The following TBC1D17 variants were observed in gnomAD, a reference collection of about 807,000 sequenced individuals.
TBC1D17 encodes the protein TBC1 domain family, member 17.
Under a neutral mutation model 78.8 loss-of-function variants are expected in TBC1D17, and 69 were observed. The observed-to-expected ratio is 0.88, with a 90% CI of 0.72 to 1.07. TBC1D17 has a LOEUF of 1.07. TBC1D17 is among the 50% of genes least tolerant of loss of function. The pLI, the probability that TBC1D17 is intolerant of heterozygous loss-of-function variation, is 0.00. For synonymous variants in TBC1D17, 456 were observed against 358.3 expected, an observed-to-expected ratio of 1.27 and a Z score of -3.08; for missense variants, 957 against 861.0, an observed-to-expected ratio of 1.11 and a Z score of -1.39.
In TBC1D17 at chr19:49,888,526, G is replaced by GCCCCCCCCCC; in HGVS notation, c.1853_1854insCCCCCCCCCC (p.Thr620ProfsTer63). ...CCCGCTGCCTCTGTCGCCCACCCGGGCCCCGCCCACCCCGCCGCCCTCCAC... is the reference window on the plus strand; with the variant it reads ...CCCGCTGCCTCTGTCGCCCACCCGGGCCCCCCCCCCCCCCGCCCACCCCGCCGCCCTCCAC... On this transcript the variant is annotated frameshift_variant, in exon 17 of 17. Coordinates refer to ENST00000221543, the MANE Select transcript of TBC1D17 (RefSeq NM_024682.3). LOFTEE classifies it low-confidence loss of function (END_TRUNC). 1.3e-6 allele frequency: 2 copies of GCCCCCCCCCC among 1,533,196 alleles called. No individual in the cohort carries two copies. The highest frequency in any genetic ancestry group is 1.8e-6 in the Non-Finnish European group (2 of 1,141,138). 95.0% of individuals were successfully genotyped at this position (1,533,196 alleles called of 1,614,324 possible).
chr19:49,886,495 T>G (rs2075059372), intron 13 of TBC1D17: 1 of 152,196 alleles, frequency 6.6e-6, no homozygotes, highest in Non-Finnish European at 1.5e-5. Context: ...CAAAGTCTTC[T>G]GAAACATCAC....
chr19:49,882,007 G>A (rs888392969), intron 5 of TBC1D17, 34 bp from the exon 6 acceptor site: 1 of 1,570,474 alleles, frequency 6.4e-7, no homozygotes, highest in African/African-American at 1.4e-5. Context: ...GCCCCTACCT[G>A]TGCATCACCT....
intron 13 of TBC1D17, among the ~76,000 whole-genome samples, 154 bp downstream of exon 13, chr19:49,884,912 T>C (rs2075046726): frequency 6.6e-6 from 1 of 152,210 alleles, no homozygotes; most frequent in Non-Finnish European, 1.5e-5. Context: ...AGAATTGCTG[T>C]TTGAAGCAAA....
rs753476746 is a variant in TBC1D17, at chr19:49,882,021, C to CGTG, written c.528-18_528-17insGGT. Reference sequence around the variant, plus strand: ...GGCCCCTACCTGTGCATCACCTGTGCGTCACCTCCCGCCTCCCAGCTCCCC... The same window carrying CGTG: ...GGCCCCTACCTGTGCATCACCTGTGCGTGGTCACCTCCCGCCTCCCAGCTCCCC... On this transcript the variant is annotated intron_variant, in intron 5 of 16. Coordinates refer to ENST00000221543, the MANE Select transcript of TBC1D17 (RefSeq NM_024682.3). The CGTG allele has an allele frequency of 2.8e-5, 45 of 1,598,054 alleles. 2 individuals are homozygous for CGTG. In the Middle Eastern group the frequency reaches 5.3e-3, roughly 187 times the overall value.
chr19:49,881,755 T>A (rs934934192), intron 5 of TBC1D17, among the ~76,000 whole-genome samples: 1 of 152,198 alleles, frequency 6.6e-6, no homozygotes, highest in Non-Finnish European at 1.5e-5. Context: ...AGAAGGCACC[T>A]CTTTCCCCAC....
chr19:49,882,233 C>T lies in TBC1D17; in HGVS notation c.640-9C>T, dbSNP rs187967493. Reference sequence around the variant, plus strand: ...GCGGGCCGTGACCTCCCTTTGGCCTCGTCCCCAGCGCTTCCTCCAGGATCC... The same window carrying T: ...GCGGGCCGTGACCTCCCTTTGGCCTTGTCCCCAGCGCTTCCTCCAGGATCC... On this transcript the variant is annotated splice_polypyrimidine_tract_variant and intron_variant, in intron 6 of 16. Coordinates refer to ENST00000221543, the MANE Select transcript of TBC1D17 (RefSeq NM_024682.3). 17 of 1,612,260 alleles carry T rather than the reference C, an allele frequency of 1.1e-5. No homozygotes were observed. Among genetic ancestry groups the T allele is most frequent in the African/African-American group, 4.0e-5 (3 of 75,006 alleles).
rs1394738750 is a variant in TBC1D17, at chr19:49,881,298, G to A, written c.350G>A (p.Trp117Ter). The A allele has an allele frequency of 1.2e-6, 2 of 1,613,166 alleles. No homozygotes were observed. The highest frequency in any genetic ancestry group is 1.7e-5 in the Admixed American group (1 of 60,012). ...GAGCCCAGCTGCCCCCAGGGCTCCT[G>A]GGCCTTCTCAGTGAGTCTGGGGGAG... Reference protein sequence around the residue: ...GAEPSCPQGSWAFSVSLGELK... With the variant: ...GAEPSCPQGS Residue 117 changes from tryptophan (W) to a stop codon, truncating the protein, a stop_gained, in exon 5 of 17, where the codon TGG (tryptophan) becomes TAG (stop). Transcript: ENST00000221543. LOFTEE classifies it high-confidence loss of function.
At position 49,884,031 on chromosome 19, in the gene TBC1D17, C is replaced by T. The variant is rs1302433990; in HGVS notation, c.1127-222C>T. ...TTTTGCCTCCCTGGGCCTCAGTTTC[C>T]CCTACTGTGGGAGGATATAGCCAGC... On this transcript the variant is annotated intron_variant, in intron 10 of 16. Coordinates refer to ENST00000221543, the MANE Select transcript of TBC1D17 (RefSeq NM_024682.3). Among the ~76,000 whole-genome samples, 5 of 152,326 alleles carry T rather than the reference C, an allele frequency of 3.3e-5. No homozygotes were observed. The East Asian group carries it at 5.8e-4, about 18-fold the overall frequency.
chr19:49,885,518 TGAA>T (rs1395755195), intron 13 of TBC1D17: 1 of 150,664 alleles, frequency 6.6e-6, no homozygotes, highest in African/African-American at 2.4e-5. Flanking sequence ...GAAATTAAGA[TGAA>T]GAAGAAAAAG....
Position 49,882,355 on chromosome 19 carries a change from G to A in TBC1D17, c.753G>A (p.Pro251=), listed in dbSNP as rs369616958. 50 of 1,609,466 alleles carry A rather than the reference G, an allele frequency of 3.1e-5. No homozygotes were observed. The highest frequency in any genetic ancestry group is 1.6e-4 in the Middle Eastern group (1 of 6,078). The change falls in exon 7 of 17, where the codon CCG becomes CCA. Residue 251 remains proline (P), a synonymous_variant. Coordinates refer to ENST00000221543, the MANE Select transcript of TBC1D17 (RefSeq NM_024682.3). ...AGGGAGCCGCCTCCGACCTTCCCCC[G>A]CCACCCGACGATGAGCCCGAGCCTG... ...QPEGAASDLP[P]PPDDEPEPGF...
At position 49,882,380 on chromosome 19, in the gene TBC1D17, G is replaced by A; in HGVS notation, c.778G>A (p.Gly260Arg). ...PPPPDDEPEP[G>R]FEVISCVELG... The stretch of plus-strand genomic sequence containing the variant: ...GCCACCCGACGATGAGCCCGAGCCT[G>A]GATTCGAGGTCATTTCCTGTGTGAG... The change falls in exon 7 of 17, where the codon GGA becomes AGA. Residue 260 changes from glycine (G) to arginine (R), a missense_variant. Physicochemically the swap from Gly to Arg is moderately radical, Grantham distance 125. Transcript: ENST00000221543. 6.2e-7 allele frequency: 1 copy of A among 1,607,198 alleles called. No homozygotes were observed. Among genetic ancestry groups the A allele is most frequent in the Non-Finnish European group, 8.5e-7 (1 of 1,179,674 alleles).
At chr19:49,882,740 G>T (rs919021017) in intron 7 of TBC1D17, 24 bp from the exon 8 acceptor site, 2 of 1,527,216 alleles carry the variant, frequency 1.3e-6, no homozygotes, top group African/African-American at 2.8e-5. Context: ...CCGAGCCCCA[G>T]GCTCATTTGC....
chr19:49,888,503 C>T lies in TBC1D17; in HGVS notation c.1826C>T (p.Pro609Leu), dbSNP rs1197179638. ...EPHSPSPTAS[P>L]LPLSPTRAPP... is the part of the protein sequence containing the mutation. ...CACAGCCCCTCGCCCACCGCCTCCCCGCTGCCTCTGTCGCCCACCCGGGCC... is the reference window on the plus strand; with the variant it reads ...CACAGCCCCTCGCCCACCGCCTCCCTGCTGCCTCTGTCGCCCACCCGGGCC... Residue 609 changes from proline (P) to leucine (L), a missense_variant, in exon 17 of 17, where the codon CCG becomes CTG. Coordinates refer to ENST00000221543, the MANE Select transcript of TBC1D17 (RefSeq NM_024682.3). 2 of 1,569,214 alleles carry T rather than the reference C, an allele frequency of 1.3e-6. No homozygotes were observed. The highest frequency in any genetic ancestry group is 1.3e-5 in the African/African-American group (1 of 74,342).
intron 15 of TBC1D17, 164 bp downstream of exon 15, chr19:49,887,998 C>A: frequency 1.1e-6 from 1 of 903,812 alleles, no homozygotes; most frequent in Non-Finnish European, 1.7e-6. Context: ...TGCCCCATGC[C>A]ATGCCTGCTC....
intron 7 of TBC1D17, 49 bp from the exon 8 acceptor site, chr19:49,882,715 C>T (rs771055551): frequency 2.0e-6 from 3 of 1,473,440 alleles, no homozygotes; most frequent in East Asian, 2.4e-5. Flanking sequence ...TGGGTTGGGT[C>T]CCCCCACCAC....
Position 49,882,276 on chromosome 19 carries a change from G to T in TBC1D17, c.674G>T (p.Ser225Ile). 6.2e-7 allele frequency: 1 copy of T among 1,612,322 alleles called. No individual in the cohort carries two copies. Among genetic ancestry groups the T allele is most frequent in the Non-Finnish European group, 8.5e-7 (1 of 1,179,992 alleles). ...FLQDPYSTTF[S>I]SFSRVTNFFR... Reference sequence around the variant, plus strand: ...CAGGATCCCTACTCCACCACCTTCAGCAGCTTCTCCCGAGTGACCAACTTC... The same window carrying T: ...CAGGATCCCTACTCCACCACCTTCATCAGCTTCTCCCGAGTGACCAACTTC... The change falls in exon 7 of 17, where the codon AGC becomes ATC. Residue 225 changes from serine to isoleucine, a missense_variant. Ser to Ile is a moderately radical substitution (Grantham distance 142, BLOSUM62 -2). Coordinates refer to ENST00000221543, the MANE Select transcript of TBC1D17 (RefSeq NM_024682.3).
chr19:49,884,716 C>A lies in TBC1D17; in HGVS notation c.1402C>A (p.Leu468Met), dbSNP rs1305273618. The A allele has an allele frequency of 6.2e-7, 1 of 1,614,126 alleles. No individual in the cohort carries two copies. The change falls in exon 13 of 17, where the codon CTG (leucine) becomes ATG (methionine). Residue 468 changes from leucine (L) to methionine (M), a missense_variant. By Grantham distance (15) the Leu-to-Met change is conservative. Coordinates refer to ENST00000221543, the MANE Select transcript of TBC1D17 (RefSeq NM_024682.3). ...TMKRQLGRLL[L>M]LLRVLDPLLC... ...GAAGCGGCAACTCGGGCGACTGCTG[C>A]TGCTCCTGAGGGTGCTGGACCCCCT...
Position 49,878,495 on chromosome 19 carries a change from T to G in TBC1D17, c.121-3T>G. 6.2e-7 allele frequency: 1 copy of G among 1,613,732 alleles called. No homozygotes were observed. The highest frequency in any genetic ancestry group is 2.2e-5 in the East Asian group (1 of 44,880). Reference sequence around the variant, plus strand: ...TCTAACCCCGCCTCCCTCCTTACCCTAGGACAATGACGTCCTCCTGCACTG... The same window carrying G: ...TCTAACCCCGCCTCCCTCCTTACCCGAGGACAATGACGTCCTCCTGCACTG... On this transcript the variant is annotated splice_region_variant and splice_polypyrimidine_tract_variant and intron_variant, in intron 2 of 16. Coordinates refer to ENST00000221543, the MANE Select transcript of TBC1D17 (RefSeq NM_024682.3).
chr19:49,882,166 G>C lies in TBC1D17; in HGVS notation c.639+14G>C. ...AATGTGGTGTCAGTGAGTGTCCCCA[G>C]CAGGAGGCCTGGCGGGTGTGGGCAG... On this transcript the variant is annotated intron_variant, in intron 6 of 16. Transcript: ENST00000221543. The C allele has an allele frequency of 6.2e-7, 1 of 1,613,956 alleles. No individual in the cohort carries two copies. Among genetic ancestry groups the C allele is most frequent in the Non-Finnish European group, 8.5e-7 (1 of 1,179,970 alleles).
Sources: allele counts gnomAD v4.1 joint callset (sites outside exome capture counted in the v4.1 genomes callset), GRCh38; gene constraint gnomAD v4.1.1; transcripts MANE v1.5; gene names NCBI Gene and HGNC (gene_info 2026-07-23, HGNC 2026-07-21).